PSAP: variants seen among roughly 807,000 people sequenced by gnomAD.
PSAP encodes prosaposin.
PSAP carries 25 observed loss-of-function variants against 66.0 expected under a neutral mutation model. That is an observed-to-expected ratio of 0.38 (90% CI 0.28 to 0.53). The LOEUF is 0.53. Among genes scored for constraint, PSAP ranks in the 20% least tolerant of loss-of-function variants. The pLI is 0.83. For missense variants in PSAP, 649 were observed against 668.8 expected, an observed-to-expected ratio of 0.97 and a Z score of 0.33; for synonymous variants, 273 against 258.9, an observed-to-expected ratio of 1.05 and a Z score of -0.52.
chr10:71,844,963 T>A (rs2133066916), intron 1 of PSAP, among the ~76,000 whole-genome samples: 1 of 152,348 alleles, frequency 6.6e-6, no homozygotes, highest in African/African-American at 2.4e-5. Flanking sequence ...TCTGAAAATG[T>A]ATCCTGAGAA....
chr10:71,826,046 G>C (rs1842394815), intron 6 of PSAP, among the ~76,000 whole-genome samples, 153 bp from the exon 7 acceptor site: 1 of 152,200 alleles, frequency 6.6e-6, no homozygotes, highest in African/African-American at 2.4e-5. Flanking sequence ...CTCTGGGCCA[G>C]CTTTAATAAG....
At chr10:71,829,869 G>T (rs1470539317) in intron 4 of PSAP, among the ~76,000 whole-genome samples, 1 of 152,100 alleles carries the variant, frequency 6.6e-6, no homozygotes, top group Non-Finnish European at 1.5e-5. Context: ...ATGATGGTGG[G>T]TGCCTGTGAT....
At chr10:71,849,790 T>C (rs1486529030) in intron 1 of PSAP, among the ~76,000 whole-genome samples, 1 of 152,124 alleles carries the variant, frequency 6.6e-6, no homozygotes, top group Non-Finnish European at 1.5e-5. Context: ...ATTACAGGCA[T>C]AAGCCACCGC....
intron 1 of PSAP, among the ~76,000 whole-genome samples, chr10:71,839,426 G>A (rs1842689262): frequency 1.3e-5 from 2 of 152,150 alleles, no homozygotes; most frequent in South Asian, 4.2e-4. Flanking sequence ...TTTTAGTAGA[G>A]ACAGGGTTTT....
At chr10:71,822,195 T>C in intron 7 of PSAP, 188 bp from the exon 8 acceptor site, 2 of 715,226 alleles carry the variant, frequency 2.8e-6, no homozygotes, top group Non-Finnish European at 4.8e-6. Context: ...AAGCAGTGCA[T>C]ATGTGCCAGT....
chr10:71,822,837 C>T (rs7898921), intron 7 of PSAP, among the ~76,000 whole-genome samples: 65 of 152,116 alleles, frequency 4.3e-4, no homozygotes, highest in African/African-American at 1.6e-3. Context: ...AGAGCTAGAC[C>T]ATGACTATGG....
At chr10:71,845,793 T>C (rs540720458) in intron 1 of PSAP, among the ~76,000 whole-genome samples, 3 of 152,200 alleles carry the variant, frequency 2.0e-5, no homozygotes, top group Non-Finnish European at 2.9e-5. Context: ...TCTGATCTGC[T>C]GGGCTGCTCT....
intron 2 of PSAP, 131 bp downstream of exon 2, chr10:71,834,241 C>CA (rs1179098184): frequency 6.9e-7 from 1 of 1,439,464 alleles, no homozygotes; most frequent in Non-Finnish European, 9.5e-7. Flanking sequence ...GCCTCCCACA[C>CA]AGAGTCACAG....
At chr10:71,831,325 C>T (rs931163969) in intron 3 of PSAP, 74 bp from the exon 4 acceptor site, 11 of 1,575,168 alleles carry the variant, frequency 7.0e-6, no homozygotes, top group Non-Finnish European at 9.5e-6. Flanking sequence ...AGGCAAGAGG[C>T]CCTCAATAGC....
At chr10:71,834,157 GGA>G (rs1046461253) in intron 2 of PSAP, among the ~76,000 whole-genome samples, 6 of 152,216 alleles carry the variant, frequency 3.9e-5, no homozygotes, top group African/African-American at 1.2e-4. Flanking sequence ...GGTAGCCTCA[GGA>G]GAGTGAAACC....
At chr10:71,837,659 A>G (rs1041550263) in intron 1 of PSAP, among the ~76,000 whole-genome samples, 3 of 152,254 alleles carry the variant, frequency 2.0e-5, no homozygotes, top group African/African-American at 7.2e-5. Flanking sequence ...TACCCCAAAG[A>G]GCAGGAGGAA....
chr10:71,833,700 T>C (rs1054695733), intron 2 of PSAP, among the ~76,000 whole-genome samples: 1 of 152,180 alleles, frequency 6.6e-6, no homozygotes, highest in Non-Finnish European at 1.5e-5. Flanking sequence ...CAGCAGAGCA[T>C]CTCCTGAGAG....
intron 8 of PSAP, among the ~76,000 whole-genome samples, chr10:71,821,278 G>C (rs1007560485): frequency 6.6e-6 from 1 of 152,204 alleles, no homozygotes; most frequent in African/African-American, 2.4e-5. Context: ...ACACAGCCCA[G>C]GCCTTGAAGA....
chr10:71,850,918 G>A lies in PSAP; in HGVS notation c.40+264C>T, dbSNP rs370455412. Among the ~76,000 whole-genome samples the A allele has an allele frequency of 8.9e-4, 135 of 152,352 alleles. 2 individuals are homozygous for A. Among genetic ancestry groups the A allele is most frequent in the African/African-American group, 3.0e-3 (126 of 41,592 alleles). ...GAGGGAAGGCCTCGGGGCCCCAGCC[G>A]CGCAGGAACCCACTCGAGCCCCGAA... On this transcript the variant is annotated intron_variant, in intron 1 of 13. Coordinates refer to ENST00000394936, the MANE Select transcript of PSAP (RefSeq NM_002778.4).
chr10:71,834,008 T>C (rs1031818251), intron 2 of PSAP, among the ~76,000 whole-genome samples: 5 of 152,088 alleles, frequency 3.3e-5, no homozygotes, highest in African/African-American at 1.2e-4. Flanking sequence ...TGCCCAGTGG[T>C]GGGAATGGGC....
rs886544213 is a variant in PSAP at position 71,829,205 on chromosome 10, A to G, written c.376-128T>C. 5.4e-6 allele frequency: 5 copies of G among 929,032 alleles called. No individual in the cohort carries two copies. In the African/African-American group the frequency reaches 6.5e-5, roughly 12 times the overall value. The allele number at this position is 929,032 out of a possible 1,614,324, so 57.5% of individuals were successfully genotyped here. ...AAAGAAACACAAACCTGTTGTCTAA[A>G]TTCAAACTGCTCAGCATACCAAGAA... On this transcript the variant is annotated intron_variant, in intron 4 of 13. Transcript: ENST00000394936.
intron 13 of PSAP, among the ~76,000 whole-genome samples, chr10:71,817,855 T>C (rs1016604340): frequency 1.3e-5 from 2 of 152,136 alleles, no homozygotes; most frequent in African/African-American, 4.8e-5. Context: ...GCTCGGGCCT[T>C]GAGAAGCAGG....
At chr10:71,822,060 T>C (rs1288541053) in intron 7 of PSAP, 53 bp from the exon 8 acceptor site, 1 of 1,612,728 alleles carries the variant, frequency 6.2e-7, no homozygotes, top group Admixed American at 1.7e-5. Context: ...CCACTGCTCC[T>C]CAGTCCCAAT....
intron 13 of PSAP, among the ~76,000 whole-genome samples, chr10:71,818,256 A>G (rs1842215140): frequency 6.6e-6 from 1 of 152,234 alleles, no homozygotes; most frequent in African/African-American, 2.4e-5. Context: ...CCCGGGGGAC[A>G]GGACCTGGGC....
Sources: allele counts gnomAD v4.1 joint callset (sites outside exome capture counted in the v4.1 genomes callset), GRCh38; gene constraint gnomAD v4.1.1; transcripts MANE v1.5; gene names NCBI Gene and HGNC (gene_info 2026-07-23, HGNC 2026-07-21).